Variants in NRXN3 observed in about 807,000 individuals in gnomAD.
The protein encoded by NRXN3 is neurexin 3.
Under a neutral mutation model 137.6 loss-of-function variants are expected in NRXN3, and 32 were observed. That is an observed-to-expected ratio of 0.23 (90% CI 0.18 to 0.31). NRXN3 has a LOEUF of 0.31. Ranked by LOEUF, NRXN3 falls within the 10% of genes least tolerant of loss-of-function variation. The pLI is 1.00. For synonymous variants in NRXN3, 798 were observed against 784.5 expected (o/e 1.02, Z -0.29); for missense variants, 1,574 against 2,062.5 (o/e 0.76, Z 4.59).
intron 1 of NRXN3, among the ~76,000 whole-genome samples, chr14:78,224,943 T>C (rs960451724): frequency 1.2e-4 from 16 of 128,774 alleles, no homozygotes; most frequent in Admixed American, 1.2e-3. Context: ...ATTTTTTGTA[T>C]TTTTAGTAGA....
chr14:79,165,951 C>T (rs1477309789), intron 15 of NRXN3, among the ~76,000 whole-genome samples: 1 of 151,892 alleles, frequency 6.6e-6, no homozygotes, highest in East Asian at 1.9e-4. Flanking sequence ...CTTAATAAGA[C>T]AATTAAAAAT....
intron 4 of NRXN3, among the ~76,000 whole-genome samples, chr14:78,428,663 A>T (rs898331880): frequency 6.6e-6 from 1 of 152,144 alleles, no homozygotes; most frequent in East Asian, 1.9e-4. Context: ...GGCAAGCTGG[A>T]GACCCAGGAA....
intron 15 of NRXN3, among the ~76,000 whole-genome samples, chr14:79,166,172 G>T (rs1158286128): frequency 6.6e-6 from 1 of 151,950 alleles, no homozygotes; most frequent in Non-Finnish European, 1.5e-5. Context: ...AATAATTCAA[G>T]GGATGTGTTA....
intron 4 of NRXN3, among the ~76,000 whole-genome samples, chr14:78,351,786 T>TTC (rs2083537947): frequency 6.7e-6 from 1 of 150,344 alleles, no homozygotes; most frequent in Admixed American, 6.6e-5. Context: ...ATTTTTCTTT[T>TTC]TTTTTTTTTT....
At chr14:78,525,052 CTAGTTTCCTTGTA>C (rs2096357081) in intron 4 of NRXN3, among the ~76,000 whole-genome samples, 1 of 152,156 alleles carries the variant, frequency 6.6e-6, no homozygotes, top group African/African-American at 2.4e-5. Context: ...CCTATGTTTG[CTAGTTTCCTTGTA>C]TTTTTGAGAA....
At chr14:79,669,597 C>G (rs1305912923) in intron 17 of NRXN3, among the ~76,000 whole-genome samples, 1 of 152,024 alleles carries the variant, frequency 6.6e-6, no homozygotes, top group Non-Finnish European at 1.5e-5. Flanking sequence ...CTTATATATA[C>G]ATATTTGTGT....
chr14:79,837,809 G>A (rs1240263977), intron 20 of NRXN3, among the ~76,000 whole-genome samples: 1 of 152,132 alleles, frequency 6.6e-6, no homozygotes, highest in East Asian at 1.9e-4. Flanking sequence ...GGCTGTTTAG[G>A]AGCTAAGCTG....
chr14:79,348,079 T>C (rs2092989987), intron 15 of NRXN3, among the ~76,000 whole-genome samples: 2 of 152,194 alleles, frequency 1.3e-5, no homozygotes, highest in Admixed American at 1.3e-4. Flanking sequence ...AATGCCAGCA[T>C]CCTGCCAAGA....
At chr14:78,749,846 T>C (rs1372520824) in intron 8 of NRXN3, among the ~76,000 whole-genome samples, 1 of 152,204 alleles carries the variant, frequency 6.6e-6, no homozygotes, top group Non-Finnish European at 1.5e-5. Flanking sequence ...AGGTCCTGCA[T>C]GTTCTTGTTC....
chr14:78,947,504 A>T lies in NRXN3; in HGVS notation c.2276-9738A>T, dbSNP rs73325328. Among the ~76,000 whole-genome samples the T allele has an allele frequency of 6.6e-4, 101 of 152,308 alleles. 1 individual carries two copies. The highest frequency in any genetic ancestry group is 2.3e-3 in the African/African-American group (96 of 41,580). ...GATAGAACCTGAAGGGTCTTTGGGTATCAAGAGCATATCACTTAGCTTCTT... is the reference window on the plus strand; with the variant it reads ...GATAGAACCTGAAGGGTCTTTGGGTTTCAAGAGCATATCACTTAGCTTCTT... On this transcript the variant is annotated intron_variant, in intron 10 of 20. Transcript: ENST00000335750.
chr14:78,261,827 A>G (rs1012262537), intron 2 of NRXN3, among the ~76,000 whole-genome samples: 4 of 152,212 alleles, frequency 2.6e-5, no homozygotes, highest in African/African-American at 7.2e-5. Flanking sequence ...TCATTCTCCT[A>G]CATCACTCTG....
intron 15 of NRXN3, among the ~76,000 whole-genome samples, chr14:79,110,052 T>C (rs983444036): frequency 7.9e-5 from 12 of 152,160 alleles, no homozygotes; most frequent in Non-Finnish European, 1.2e-4. Flanking sequence ...TGTCACTATG[T>C]TTTGTTTGTA....
chr14:79,044,498 T>C (rs1288530336), intron 15 of NRXN3, among the ~76,000 whole-genome samples: 1 of 152,174 alleles, frequency 6.6e-6, no homozygotes, highest in African/African-American at 2.4e-5. Context: ...TTGATGATGG[T>C]TAAATGAGTT....
chr14:79,852,234 A>ACACACACAC, intron 20 of NRXN3, among the ~76,000 whole-genome samples: 1 of 128,184 alleles, frequency 7.8e-6, no homozygotes, highest in Non-Finnish European at 1.6e-5. Context: ...TTCAACTCCC[A>ACACACACAC]ACACACACAC....
chr14:79,279,415 T>C, intron 15 of NRXN3: 1 of 986,148 alleles, frequency 1.0e-6, no homozygotes, highest in Non-Finnish European at 1.2e-6. Flanking sequence ...GTCCGCGCAC[T>C]TCGCAGGCGC....
intron 15 of NRXN3, among the ~76,000 whole-genome samples, chr14:79,264,029 A>G (rs1207870470): frequency 6.6e-6 from 1 of 152,252 alleles, no homozygotes; most frequent in Non-Finnish European, 1.5e-5. Context: ...TGGTTAGGCC[A>G]TCTTTACAAA....
intron 15 of NRXN3, among the ~76,000 whole-genome samples, chr14:79,069,445 A>G (rs1313686426): frequency 6.6e-6 from 1 of 151,956 alleles, no homozygotes; most frequent in Non-Finnish European, 1.5e-5. Context: ...TCCAGGCATG[A>G]GGGGCTTGGG....
intron 10 of NRXN3, among the ~76,000 whole-genome samples, chr14:78,876,818 A>C (rs1374127877): frequency 6.6e-6 from 1 of 152,188 alleles, no homozygotes; most frequent in Non-Finnish European, 1.5e-5. Flanking sequence ...CATGCAAGTA[A>C]GGTTTTACAT....
intron 10 of NRXN3, among the ~76,000 whole-genome samples, chr14:78,854,320 G>A (rs190363979): frequency 6.6e-6 from 1 of 152,170 alleles, no homozygotes; most frequent in Non-Finnish European, 1.5e-5. Flanking sequence ...GCGGGCTAGT[G>A]GTCACATTTT....
Sources: gnomAD v4.1 joint callset for allele counts (sites outside exome capture counted in the v4.1 genomes callset) on GRCh38, gnomAD v4.1.1 for gene constraint, MANE v1.5 for transcripts, NCBI Gene and HGNC (gene_info 2026-07-23, HGNC 2026-07-21) for gene names.